Variants in HNF4G observed in about 807,000 individuals in gnomAD.
HNF4G encodes the protein hepatocyte nuclear factor 4 gamma, also known as hepatocyte nuclear factor 4-gamma.
Under a neutral mutation model 50.9 loss-of-function variants are expected in HNF4G, and 21 were observed. The observed-to-expected ratio is 0.41, with a 90% CI of 0.29 to 0.59. The LOEUF (loss-of-function observed/expected upper bound fraction) is 0.59. Among genes scored for constraint, HNF4G ranks in the 20% least tolerant of loss-of-function variants. HNF4G has a pLI of 0.26. For synonymous variants in HNF4G, 198 were observed against 185.6 expected (o/e 1.07, Z -0.54); for missense variants, 527 against 559.4 (o/e 0.94, Z 0.58).
At chr8:75,559,130 T>A in intron 8 of HNF4G, 93 bp downstream of exon 8, 1 of 850,000 alleles carries the variant, frequency 1.2e-6, no homozygotes, top group Non-Finnish European at 2.0e-6. Context: ...TTAATTCATC[T>A]ACTGAAGTTG....
chr8:75,555,634 G>A lies in HNF4G; in HGVS notation c.646-348G>A, dbSNP rs1026249579. On this transcript the variant is annotated intron_variant, in intron 5 of 9. Coordinates refer to ENST00000396423, the MANE Select transcript of HNF4G (RefSeq NM_004133.5). The stretch of plus-strand genomic sequence containing the variant: ...CAAATGAGTAAGTTCAAACGTACTG[G>A]TTAACTTACACAAGGTTAAACAGGT... Among the ~76,000 whole-genome samples the A allele has an allele frequency of 7.2e-5, 11 of 151,794 alleles. No homozygotes were observed. In the South Asian group the frequency reaches 1.7e-3, roughly 23 times the overall value.
chr8:75,502,944 TG>T (rs1812970244), intron 2 of HNF4G, among the ~76,000 whole-genome samples: 1 of 152,212 alleles, frequency 6.6e-6, no homozygotes. Flanking sequence ...AAATGCATAT[TG>T]TAACATATTT....
intron 1 of HNF4G, among the ~76,000 whole-genome samples, chr8:75,457,546 A>G (rs961162322): frequency 2.0e-5 from 3 of 152,206 alleles, no homozygotes; most frequent in African/African-American, 7.2e-5. Context: ...TGTGACTCTA[A>G]TGACATTCCC....
At chr8:75,506,420 C>T (rs1161651863) in intron 2 of HNF4G, among the ~76,000 whole-genome samples, 3 of 151,684 alleles carry the variant, frequency 2.0e-5, no homozygotes, top group Admixed American at 6.6e-5. Context: ...TGAACTCTTC[C>T]CTCATTTTAT....
chr8:75,488,152 C>T (rs1300112088), intron 1 of HNF4G, among the ~76,000 whole-genome samples: 1 of 152,050 alleles, frequency 6.6e-6, no homozygotes, highest in Admixed American at 6.6e-5. Flanking sequence ...AGGAACCATG[C>T]TTTATATTTT....
upstream of HNF4G, among the ~76,000 whole-genome samples, chr8:75,535,559 A>G (rs1806442448): frequency 6.6e-6 from 1 of 151,842 alleles, no homozygotes; most frequent in African/African-American, 2.4e-5. Context: ...GTAGAATATG[A>G]AAACAACAAG....
upstream of HNF4G, among the ~76,000 whole-genome samples, chr8:75,535,517 G>GATCTCATTTGTGTA (rs1806441433): frequency 6.6e-6 from 1 of 151,746 alleles, no homozygotes; most frequent in African/African-American, 2.4e-5. Context: ...AGCTTTTAGT[G>GATCTCATTTGTGTA]ATCTCATTTG....
chr8:75,545,239 A>ATGTGTGTGTGTGTGTG lies in HNF4G; in HGVS notation c.287+1278_287+1293dup, dbSNP rs57486410. 3.5e-3 allele frequency among the ~76,000 whole-genome samples: 512 copies of ATGTGTGTGTGTGTGTG among 145,580 alleles called. 4 individuals are homozygous for ATGTGTGTGTGTGTGTG. The highest frequency in any genetic ancestry group is 5.3e-3 in the South Asian group (24 of 4,488). On this transcript the variant is annotated intron_variant, in intron 2 of 9. Coordinates refer to ENST00000396423, the MANE Select transcript of HNF4G (RefSeq NM_004133.5). ...GAGTCAGGTGCTCTGTTAAAATTGA[A>ATGTGTGTGTGTGTGTG]TGTGTGTGTGTGTGTGTGTGTGTGT...
intron 1 of HNF4G, among the ~76,000 whole-genome samples, chr8:75,471,382 C>A (rs190878732): frequency 1.3e-4 from 20 of 152,130 alleles, no homozygotes; most frequent in African/African-American, 4.8e-4. Flanking sequence ...CATTATATAG[C>A]TCTCATATTT....
chr8:75,410,367 T>C (rs549642862), intron 1 of HNF4G, among the ~76,000 whole-genome samples: 211 of 152,314 alleles, frequency 1.4e-3, no homozygotes, highest in African/African-American at 4.8e-3. Context: ...GTTGAAAAAT[T>C]GATTCCTCAT....
At chr8:75,434,369 T>G (rs1011825492) in intron 1 of HNF4G, among the ~76,000 whole-genome samples, 15 of 151,994 alleles carry the variant, frequency 9.9e-5, no homozygotes, top group African/African-American at 2.4e-4. Flanking sequence ...TGAATGATCA[T>G]GAAAATGCCA....
chr8:75,473,007 C>T (rs774366319), intron 1 of HNF4G, among the ~76,000 whole-genome samples: 1 of 152,080 alleles, frequency 6.6e-6, no homozygotes, highest in Admixed American at 6.6e-5. Context: ...GAGTGAGTCA[C>T]GATTTACATA....
chr8:75,464,216 A>C (rs764043146), intron 1 of HNF4G, among the ~76,000 whole-genome samples: 3 of 148,688 alleles, frequency 2.0e-5, no homozygotes, highest in Admixed American at 2.0e-4. Context: ...CAAGTTCACC[A>C]TGTGAAAATG....
intron 2 of HNF4G, among the ~76,000 whole-genome samples, chr8:75,529,250 C>G (rs1806265602): frequency 6.6e-6 from 1 of 151,870 alleles, no homozygotes; most frequent in African/African-American, 2.4e-5. Flanking sequence ...GAGATCGCGC[C>G]ACTGCACTCC....
chr8:75,524,648 C>T (rs559011969), intron 2 of HNF4G, among the ~76,000 whole-genome samples: 25 of 152,100 alleles, frequency 1.6e-4, no homozygotes, highest in African/African-American at 5.5e-4. Context: ...AGTAAGTAAA[C>T]GTACTGAAAG....
intron 1 of HNF4G, among the ~76,000 whole-genome samples, chr8:75,424,064 G>T (rs12676458): frequency 1.3e-5 from 2 of 151,392 alleles, no homozygotes; most frequent in Admixed American, 6.6e-5. Context: ...CTCGTGATCC[G>T]CCTGCCTCGG....
intron 1 of HNF4G, among the ~76,000 whole-genome samples, chr8:75,422,778 C>G (rs1011605816): frequency 6.6e-6 from 1 of 152,010 alleles, no homozygotes; most frequent in African/African-American, 2.4e-5. Context: ...GGAGTACAGG[C>G]GCCCGCCACC....
chr8:75,457,144 T>C (rs1811742892), intron 1 of HNF4G, among the ~76,000 whole-genome samples: 1 of 152,248 alleles, frequency 6.6e-6, no homozygotes, highest in Non-Finnish European at 1.5e-5. Flanking sequence ...ACCAAGCATC[T>C]GAAGCATTCA....
Position 75,564,243 on chromosome 8 carries a change from G to T in HNF4G, c.*147G>T, listed in dbSNP as rs542017780. 80 of 728,106 alleles carry T rather than the reference G, an allele frequency of 1.1e-4. 1 individual carries two copies. In the South Asian group the frequency reaches 1.4e-3, roughly 12 times the overall value. 45.1% of individuals were successfully genotyped at this position (728,106 alleles called of 1,614,324 possible). On this transcript the variant is annotated 3_prime_UTR_variant, in exon 10 of 10. Coordinates refer to ENST00000396423, the MANE Select transcript of HNF4G (RefSeq NM_004133.5). ...TGGTGTCCTATTTTCTTGTTTATAC[G>T]TTCATTCTGTTTGTTATTGCTACTA...
Sources: allele counts gnomAD v4.1 joint callset (sites outside exome capture counted in the v4.1 genomes callset), GRCh38; gene constraint gnomAD v4.1.1; transcripts MANE v1.5; gene names NCBI Gene and HGNC (gene_info 2026-07-23, HGNC 2026-07-21).